Variants in PJVK observed in about 807,000 individuals in gnomAD.
PJVK encodes the protein autosomal recessive deafness type 59 protein.
A neutral mutation model predicts 37.6 loss-of-function variants in PJVK; 33 were observed. The observed-to-expected ratio is 0.88, with a 90% CI of 0.67 to 1.17. The LOEUF (loss-of-function observed/expected upper bound fraction) is 1.17, where lower values mean the gene tolerates loss of function less well. Among genes scored for constraint, PJVK ranks in the 50% most tolerant of loss-of-function variants. PJVK has a pLI of 0.00. For synonymous variants in PJVK, 141 were observed against 143.5 expected, an observed-to-expected ratio of 0.98 and a Z score of 0.13; for missense variants, 410 against 413.8, an observed-to-expected ratio of 0.99 and a Z score of 0.08.
chr2:178,454,596 A>C, intron 3 of PJVK, 69 bp downstream of exon 3: 1 of 1,517,356 alleles, frequency 6.6e-7, no homozygotes, highest in Non-Finnish European at 9.0e-7. Flanking sequence ...ACTTCATTAC[A>C]AAGAATGCTT....
At chr2:178,454,169 T>C (rs1697901260) in intron 2 of PJVK, 163 bp from the exon 3 acceptor site, 1 of 578,790 alleles carries the variant, frequency 1.7e-6, no homozygotes, top group East Asian at 3.2e-5. Flanking sequence ...TGTTTCTTTT[T>C]GTTGTAAGAT....
intron 4 of PJVK, among the ~76,000 whole-genome samples, chr2:178,456,518 C>T (rs1684097670): frequency 6.6e-6 from 1 of 152,114 alleles, no homozygotes; most frequent in East Asian, 1.9e-4. Context: ...GTAATCCTAG[C>T]ATTTTGGGAG....
In PJVK at chr2:178,454,910, G is replaced by T. The variant is rs1185926739; in HGVS notation, c.407+383G>T. The T allele has an allele frequency of 1.5e-5, 14 of 928,158 alleles. No individual in the cohort carries two copies. The Admixed American group carries it at 2.4e-4, about 16-fold the overall frequency. The allele number at this position is 928,158 out of a possible 1,614,324, so 57.5% of individuals were successfully genotyped here. On this transcript the variant is annotated intron_variant, in intron 3 of 6. Coordinates refer to ENST00000644580, the MANE Select transcript of PJVK (RefSeq NM_001042702.5). Reference sequence around the variant, plus strand: ...AAGATGAGAAGGACAAAGGAAAACTGAAGCCCAACCTAGGCAACAGGGCAG... The same window carrying T: ...AAGATGAGAAGGACAAAGGAAAACTTAAGCCCAACCTAGGCAACAGGGCAG...
intron 1 of PJVK, 73 bp downstream of exon 1, chr2:178,451,842 T>C (rs1451251595): frequency 2.0e-6 from 2 of 985,358 alleles, no homozygotes; most frequent in Non-Finnish European, 2.4e-6. Flanking sequence ...TCGGTTGTAA[T>C]GGCGTTTGCC....
chr2:178,454,838 C>G, intron 3 of PJVK: 1 of 1,157,858 alleles, frequency 8.6e-7, no homozygotes. Context: ...AGAATGGCAG[C>G]CTTGACTCCC....
Position 178,454,391 on chromosome 2 carries a change from A to C in PJVK, c.271A>C (p.Arg91=). 1 of 1,613,978 alleles carries C rather than the reference A, an allele frequency of 6.2e-7. No homozygotes were observed. Among genetic ancestry groups the C allele is most frequent in the Non-Finnish European group, 8.5e-7 (1 of 1,179,928 alleles). ...EDESDVSLYG[R]RGNHIVNDVG... ...TGAATCAGATGTTTCACTCTATGGA[A>C]GGCGAGGTAACCATATTGTAAATGA... Residue 91 remains arginine, a synonymous_variant, in exon 3 of 7, where the codon AGG becomes CGG. Transcript: ENST00000644580.
intron 5 of PJVK, chr2:178,459,083 C>T: frequency 2.2e-6 from 1 of 463,974 alleles, no homozygotes; most frequent in South Asian, 1.6e-5. Flanking sequence ...CCCAGCTTCC[C>T]CTTGCACTCT....
At position 178,460,440 on chromosome 2, in the gene PJVK, G is replaced by T. The variant is rs781383159; in HGVS notation, c.760G>T (p.Glu254Ter). The change falls in exon 6 of 7, where the codon GAA (glutamate) becomes TAA (stop). Residue 254 changes from glutamate to a stop codon, truncating the protein, a stop_gained. Coordinates refer to ENST00000644580, the MANE Select transcript of PJVK (RefSeq NM_001042702.5). LOFTEE classifies it high-confidence loss of function. ...GTACAGGTTGAGAAATATCCTATTT[G>T]AAAGAAGTATGTTTATTGAAGAGTA... ...LLYRLRNILF[E>*]RNRRVMDVIS... The T allele has an allele frequency of 1.1e-5, 18 of 1,613,276 alleles. No homozygotes were observed. The highest frequency in any genetic ancestry group is 1.4e-5 in the Non-Finnish European group (17 of 1,179,448).
chr2:178,460,699 ATTAG>A (rs1180966840), intron 6 of PJVK, among the ~76,000 whole-genome samples: 1 of 151,984 alleles, frequency 6.6e-6, no homozygotes, highest in Non-Finnish European at 1.5e-5. Flanking sequence ...AAGAAAAAAA[ATTAG>A]TTGGTTGCAG....
At chr2:178,460,470 G>A (rs775453305) in intron 6 of PJVK, 24 bp downstream of exon 6, 1 of 1,585,442 alleles carries the variant, frequency 6.3e-7, no homozygotes, top group South Asian at 1.1e-5. Context: ...AGAGTACTGT[G>A]AATGTCTTTT....
At chr2:178,456,992 G>A (rs571967324) in intron 4 of PJVK, among the ~76,000 whole-genome samples, 2 of 151,778 alleles carry the variant, frequency 1.3e-5, no homozygotes, top group South Asian at 2.1e-4. Context: ...TTTTTGAGAC[G>A]GAGTCTCGCT....
At chr2:178,454,937 C>G (rs1208218626) in intron 3 of PJVK, 2 of 897,530 alleles carry the variant, frequency 2.2e-6, no homozygotes, top group African/African-American at 1.6e-5. Context: ...ACAGGGCAGA[C>G]CTGCCTGATT....
rs1195034857 is a variant in PJVK at position 178,461,987 on chromosome 2, CT to C, written c.*717del. Among the ~76,000 whole-genome samples, 1 of 152,142 alleles carries C rather than the reference CT, an allele frequency of 6.6e-6. No homozygotes were observed. On this transcript the variant is annotated 3_prime_UTR_variant, in exon 7 of 7. Transcript: ENST00000644580. ...GATGACAAGACTGCACAAGTAGCAA[CT>C]TTTGGTGTTTCAACTATTGCCTTTG...
intron 4 of PJVK, among the ~76,000 whole-genome samples, chr2:178,457,445 GT>G (rs1684186907): frequency 6.6e-6 from 1 of 152,046 alleles, no homozygotes; most frequent in Admixed American, 6.6e-5. Context: ...ATGAGACCTT[GT>G]CTCTACAAAA....
intron 4 of PJVK, 43 bp from the exon 5 acceptor site, chr2:178,458,467 C>T (rs1472642940): frequency 1.4e-6 from 2 of 1,442,068 alleles, no homozygotes; most frequent in African/African-American, 2.8e-5. Context: ...GCTATCCTTA[C>T]ATGTTATGAT....
intron 6 of PJVK, 123 bp from the exon 7 acceptor site, chr2:178,460,848 CAAAAAAAAAAA>C (rs748779811): frequency 1.8e-3 from 543 of 310,236 alleles, no homozygotes; most frequent in Middle Eastern, 4.5e-3. Context: ...GACCCTGTCT[CAAAAAAAAAAA>C]AAAAAAAAAA....
intron 6 of PJVK, among the ~76,000 whole-genome samples, 184 bp downstream of exon 6, chr2:178,460,630 C>T (rs1221816188): frequency 2.6e-5 from 4 of 151,870 alleles, no homozygotes; most frequent in Non-Finnish European, 5.9e-5. Context: ...ATTGCTAGCA[C>T]TCAGAAGTTT....
chr2:178,453,573 C>A lies in PJVK; in HGVS notation c.164C>A (p.Pro55His). The A allele has an allele frequency of 3.7e-6, 6 of 1,613,988 alleles. No individual in the cohort carries two copies. The highest frequency in any genetic ancestry group is 2.2e-5 in the East Asian group (1 of 44,868). The change falls in exon 2 of 7, where the codon CCT becomes CAT. Residue 55 changes from proline (P) to histidine (H), a missense_variant. Transcript: ENST00000644580. ...CCTAGATATAAATTTACTTCAACACCTTTTACACTGAAAGATATTCTCCTA... is the reference window on the plus strand; with the variant it reads ...CCTAGATATAAATTTACTTCAACACATTTTACACTGAAAGATATTCTCCTA... The part of the protein sequence containing the change: ...LFPRYKFTST[P>H]FTLKDILLGD...
intron 5 of PJVK, 63 bp from the exon 6 acceptor site, chr2:178,460,285 C>A: frequency 7.7e-7 from 1 of 1,291,738 alleles, no homozygotes; most frequent in East Asian, 2.4e-5. Flanking sequence ...AATTCATCAC[C>A]CCATCAAACA....
Sources: gnomAD v4.1 joint callset for allele counts (sites outside exome capture counted in the v4.1 genomes callset) on GRCh38, gnomAD v4.1.1 for gene constraint, MANE v1.5 for transcripts, NCBI Gene and HGNC (gene_info 2026-07-23, HGNC 2026-07-21) for gene names.